Variants in RBPJ observed in about 807,000 individuals in gnomAD.
RBPJ encodes recombination signal binding protein for immunoglobulin kappa J region.
A neutral mutation model predicts 67.8 loss-of-function variants in RBPJ; 9 were observed. That is an observed-to-expected ratio of 0.13 (90% confidence interval 0.08 to 0.23). The LOEUF (loss-of-function observed/expected upper bound fraction) is 0.23, where lower values mean the gene tolerates loss of function less well. Ranked by LOEUF, RBPJ falls within the 10% of genes least tolerant of loss-of-function variation. The pLI, the probability that RBPJ is intolerant of heterozygous loss-of-function variation, is 1.00. For missense variants in RBPJ, 305 were observed against 595.6 expected (o/e 0.51, Z 5.08); for synonymous variants, 198 against 203.3 (o/e 0.97, Z 0.22).
At position 26,245,153 on chromosome 4, in the gene RBPJ, C is replaced by G. The variant is rs1285461438; in HGVS notation, c.-167+81539C>G. Among the ~76,000 whole-genome samples, 3 of 150,648 alleles carry G rather than the reference C, an allele frequency of 2.0e-5. No homozygotes were observed. The East Asian group carries it at 5.8e-4, about 29-fold the overall frequency. The stretch of plus-strand genomic sequence containing the variant: ...CCAAGAAAGAAACACTATCCATTAG[C>G]AGTCATTCCTCATTCTTTCTTCTCT... On this transcript the variant is annotated intron_variant, in intron 1 of 4. Coordinates refer to the RBPJ transcript ENST00000512351.
At chr4:26,404,227 G>T (rs1577624989) in intron 2 of RBPJ, among the ~76,000 whole-genome samples, 1 of 151,936 alleles carries the variant, frequency 6.6e-6, no homozygotes, top group Non-Finnish European at 1.5e-5. Context: ...TTTTAATGGG[G>T]TTGTTTGTTT....
chr4:26,177,240 T>G (rs1256161667), intron 1 of RBPJ, among the ~76,000 whole-genome samples: 1 of 152,082 alleles, frequency 6.6e-6, no homozygotes, highest in South Asian at 2.1e-4. Context: ...GGAGGAGACA[T>G]GAGAGGGTGA....
the RBPJ span, among the ~76,000 whole-genome samples, chr4:26,140,834 C>T: frequency 1.4e-3 from 195 of 138,512 alleles, no homozygotes; most frequent in East Asian, 4.9e-3. Context: ...GACCCTTCCA[C>T]AAATAAATAA....
At chr4:26,136,715 T>A in the RBPJ span, among the ~76,000 whole-genome samples, 17 of 152,340 alleles carry the variant, frequency 1.1e-4, no homozygotes, top group East Asian at 3.3e-3. Flanking sequence ...AACTTTTTTT[T>A]AAAACCAGGT....
At chr4:26,214,496 G>T (rs1449813650) in intron 1 of RBPJ, among the ~76,000 whole-genome samples, 144 of 100,254 alleles carry the variant, frequency 1.4e-3, no homozygotes, top group African/African-American at 5.3e-3. Flanking sequence ...AGGGAAGGAG[G>T]GAGGGAGGGA....
Position 26,386,337 on chromosome 4 carries a change from A to ATT in RBPJ, c.21-6_21-5dup. 4.9e-6 allele frequency: 7 copies of ATT among 1,431,312 alleles called. No homozygotes were observed. Among genetic ancestry groups the ATT allele is most frequent in the Admixed American group, 1.9e-5 (1 of 52,582 alleles). The allele number at this position is 1,431,312 out of a possible 1,614,324, so 88.7% of individuals were successfully genotyped here. Reference sequence around the variant, plus strand: ...AAGCTTACTTAACTTTATTTTCTTTATTTTTTTTTTTCCAGGAAATTTGGT... The same window carrying ATT: ...AAGCTTACTTAACTTTATTTTCTTTATTTTTTTTTTTTTCCAGGAAATTTGGT... On this transcript the variant is annotated splice_polypyrimidine_tract_variant and intron_variant, in intron 1 of 10. Transcript: ENST00000355476.
intron 1 of RBPJ, among the ~76,000 whole-genome samples, chr4:26,179,709 C>T (rs1297167439): frequency 6.6e-6 from 1 of 152,206 alleles, no homozygotes; most frequent in Admixed American, 6.5e-5. Flanking sequence ...CAGTTACACA[C>T]TGTCAGTGGG....
At chr4:26,109,765 T>C in the RBPJ span, among the ~76,000 whole-genome samples, 6 of 148,520 alleles carry the variant, frequency 4.0e-5, no homozygotes, top group Non-Finnish European at 8.9e-5. Flanking sequence ...GTATTCTCAA[T>C]TGACATTATT....
chr4:26,426,693 T>C (rs1321936891), intron 7 of RBPJ, among the ~76,000 whole-genome samples: 6 of 152,186 alleles, frequency 3.9e-5, no homozygotes, highest in Admixed American at 1.3e-4. Context: ...GGAAGTCTTT[T>C]TGAAGTCGCA....
chr4:26,367,934 T>G (rs1728789702), intron 1 of RBPJ: 1 of 152,224 alleles, frequency 6.6e-6, no homozygotes, highest in South Asian at 2.1e-4. Flanking sequence ...ATTTGTACAT[T>G]AGTTTTCTAC....
chr4:26,172,437 G>T (rs4315771), intron 1 of RBPJ, among the ~76,000 whole-genome samples: 1 of 151,978 alleles, frequency 6.6e-6, no homozygotes, highest in Non-Finnish European at 1.5e-5. Flanking sequence ...TGCCACGGGC[G>T]ATCTAGCAGC....
At chr4:26,131,898 G>A in the RBPJ span, among the ~76,000 whole-genome samples, 9 of 152,342 alleles carry the variant, frequency 5.9e-5, no homozygotes, top group East Asian at 1.7e-3. Context: ...ACTGGTGGGT[G>A]CTTTCGGGGG....
intron 1 of RBPJ, among the ~76,000 whole-genome samples, chr4:26,385,882 AC>A (rs1183804549): frequency 6.6e-6 from 1 of 151,654 alleles, no homozygotes; most frequent in East Asian, 1.9e-4. Context: ...GACTCACTGC[AC>A]CCTTGAACCC....
chr4:26,255,535 G>T (rs1720300542), intron 1 of RBPJ, among the ~76,000 whole-genome samples: 1 of 151,368 alleles, frequency 6.6e-6, no homozygotes, highest in South Asian at 2.1e-4. Context: ...GGGCGTGGTG[G>T]CTCAAGCCTG....
intron 7 of RBPJ, among the ~76,000 whole-genome samples, chr4:26,425,212 A>G (rs1735516945): frequency 6.6e-6 from 1 of 152,222 alleles, no homozygotes; most frequent in Non-Finnish European, 1.5e-5. Flanking sequence ...ACAAGAAGAT[A>G]GATTTATTAA....
chr4:26,318,611 C>G (rs540894261), upstream of RBPJ, among the ~76,000 whole-genome samples: 35 of 152,276 alleles, frequency 2.3e-4, no homozygotes, highest in South Asian at 1.0e-3. Flanking sequence ...AGAATCTATA[C>G]AAGGCAACAA....
At chr4:26,358,205 C>T (rs191280522) in intron 1 of RBPJ, among the ~76,000 whole-genome samples, 1 of 152,084 alleles carries the variant, frequency 6.6e-6, no homozygotes, top group East Asian at 1.9e-4. Context: ...GAAGACCATA[C>T]GTTGTACTGT....
At chr4:26,323,719 GT>G (rs931922568) in intron 1 of RBPJ, among the ~76,000 whole-genome samples, 4 of 151,572 alleles carry the variant, frequency 2.6e-5, no homozygotes, top group Non-Finnish European at 4.4e-5. Context: ...TTCTATCAAT[GT>G]TTTTTTTAAG....
At chr4:26,274,866 G>C (rs1030398432) in intron 1 of RBPJ, among the ~76,000 whole-genome samples, 8 of 152,152 alleles carry the variant, frequency 5.3e-5, no homozygotes, top group African/African-American at 1.9e-4. Flanking sequence ...CCCAGGAGGC[G>C]GAGGTTGCAG....
Sources: allele counts gnomAD v4.1 joint callset (sites outside exome capture counted in the v4.1 genomes callset), GRCh38; gene constraint gnomAD v4.1.1; transcripts MANE v1.5; gene names NCBI Gene and HGNC (gene_info 2026-07-23, HGNC 2026-07-21).